The following PTPRN2 variants were observed in gnomAD, a reference collection of about 807,000 sequenced individuals.
The protein encoded by PTPRN2 is protein tyrosine phosphatase receptor type N2.
PTPRN2 carries 74 observed loss-of-function variants against 118.8 expected under a neutral mutation model. That is an observed-to-expected ratio of 0.62 (90% CI 0.52 to 0.76). The LOEUF (loss-of-function observed/expected upper bound fraction) is 0.76. Among genes scored for constraint, PTPRN2 ranks in the 30% least tolerant of loss-of-function variants. The pLI, the probability that PTPRN2 is intolerant of heterozygous loss-of-function variation, is 0.00. For synonymous variants in PTPRN2, 641 were observed against 608.0 expected (o/e 1.05, Z -0.80); for missense variants, 1,481 against 1,394.4 (o/e 1.06, Z -0.99).
At chr7:158,065,667 G>C (rs1810719053) in intron 11 of PTPRN2, among the ~76,000 whole-genome samples, 1 of 152,164 alleles carries the variant, frequency 6.6e-6, no homozygotes, top group Non-Finnish European at 1.5e-5. Context: ...ATAATGAGTT[G>C]AGTTGTTCAC....
At chr7:157,599,779 T>C (rs1219283978) in intron 16 of PTPRN2, among the ~76,000 whole-genome samples, 1 of 152,124 alleles carries the variant, frequency 6.6e-6, no homozygotes, top group Non-Finnish European at 1.5e-5. Flanking sequence ...GTGTCACGTC[T>C]TTACTCTGAA....
intron 11 of PTPRN2, among the ~76,000 whole-genome samples, chr7:157,982,856 A>G (rs1803403796): frequency 7.5e-6 from 1 of 133,966 alleles, no homozygotes; most frequent in African/African-American, 2.8e-5. Flanking sequence ...TGAGGAGGGG[A>G]ATGCAGAGTA....
chr7:158,054,971 T>C (rs1214879895), intron 11 of PTPRN2, among the ~76,000 whole-genome samples: 1 of 152,222 alleles, frequency 6.6e-6, no homozygotes, highest in Non-Finnish European at 1.5e-5. Context: ...AGCCGTCCCC[T>C]TCACTGTGGT....
intron 11 of PTPRN2, among the ~76,000 whole-genome samples, chr7:157,911,032 G>A (rs1379091055): frequency 1.3e-5 from 2 of 152,240 alleles, no homozygotes; most frequent in Non-Finnish European, 2.9e-5. Context: ...CCTTGCCTGT[G>A]CCTGTGCTGG....
At chr7:158,103,551 TC>T (rs1314359025) in intron 10 of PTPRN2, among the ~76,000 whole-genome samples, 1 of 152,188 alleles carries the variant, frequency 6.6e-6, no homozygotes, top group Non-Finnish European at 1.5e-5. Flanking sequence ...CAGCCTCACT[TC>T]CCTAGCATGA....
At position 158,569,012 on chromosome 7, in the gene PTPRN2, G is replaced by A. The variant is rs966776051; in HGVS notation, c.112+18546C>T. On this transcript the variant is annotated intron_variant, in intron 1 of 22. Transcript: ENST00000389418. ...GTGAGGGATTAGGCCTGTGGTCCCCGCTCCTGGGGAGGCTGAGACAGGAGA... is the reference window on the plus strand; with the variant it reads ...GTGAGGGATTAGGCCTGTGGTCCCCACTCCTGGGGAGGCTGAGACAGGAGA... Among the ~76,000 whole-genome samples the A allele has an allele frequency of 2.6e-4, 40 of 152,140 alleles. 1 individual carries two copies. The highest frequency in any genetic ancestry group is 7.4e-5 in the Non-Finnish European group (5 of 68,026).
At chr7:158,532,901 GCTC>G (rs1459516100) in intron 1 of PTPRN2, 2 of 488,816 alleles carry the variant, frequency 4.1e-6, no homozygotes, top group East Asian at 1.2e-4. Context: ...GGACGGCCAG[GCTC>G]CACCACACCT....
At position 158,326,871 on chromosome 7, in the gene PTPRN2, GCA is replaced by G. The variant is rs573728768; in HGVS notation, c.164-9941_164-9940del. ...CTCACACACATGCTCATTCTCGCAT[GCA>G]CACGTTCTCACACATGCACACATTC... On this transcript the variant is annotated intron_variant, in intron 2 of 22. Transcript: ENST00000389418. 2.5e-4 allele frequency among the ~76,000 whole-genome samples: 36 copies of G among 145,008 alleles called. 1 individual carries two copies. The East Asian group carries it at 3.0e-3, about 12-fold the overall frequency.
intron 2 of PTPRN2, among the ~76,000 whole-genome samples, chr7:158,365,621 C>A (rs1809375207): frequency 6.9e-6 from 1 of 144,640 alleles, no homozygotes; most frequent in Admixed American, 6.7e-5. Flanking sequence ...CACACACCCA[C>A]AGCATCCCTG....
intron 2 of PTPRN2, among the ~76,000 whole-genome samples, chr7:158,318,487 G>C (rs546436586): frequency 6.6e-6 from 1 of 152,124 alleles, no homozygotes; most frequent in Non-Finnish European, 1.5e-5. Context: ...AGTGAGCCAC[G>C]GGCCAGGAAG....
At chr7:158,537,113 C>T (rs1159578170) in intron 1 of PTPRN2, among the ~76,000 whole-genome samples, 1 of 152,222 alleles carries the variant, frequency 6.6e-6, no homozygotes, top group African/African-American at 2.4e-5. Context: ...CTCTGCAAAC[C>T]AGAAGCAGGC....
intron 12 of PTPRN2, among the ~76,000 whole-genome samples, chr7:157,817,661 C>T (rs765421967): frequency 1.3e-5 from 2 of 152,250 alleles, no homozygotes; most frequent in Non-Finnish European, 2.9e-5. Context: ...GGAGCTACGG[C>T]CGGGGCCATC....
intron 9 of PTPRN2, among the ~76,000 whole-genome samples, chr7:158,125,901 C>G (rs1275777576): frequency 6.6e-6 from 1 of 152,156 alleles, no homozygotes; most frequent in African/African-American, 2.4e-5. Context: ...GTCCTGGCAC[C>G]CTGCTGGTTC....
chr7:157,684,341 G>A (rs947090538), intron 12 of PTPRN2, among the ~76,000 whole-genome samples: 3 of 150,848 alleles, frequency 2.0e-5, no homozygotes, highest in African/African-American at 7.3e-5. Context: ...GAGCCGCCGC[G>A]GAGAGGGAGG....
At chr7:157,889,590 C>T (rs989043176) in intron 12 of PTPRN2, among the ~76,000 whole-genome samples, 3 of 152,314 alleles carry the variant, frequency 2.0e-5, no homozygotes, top group African/African-American at 7.2e-5. Context: ...TCTCCATGCC[C>T]CAGTGAACAT....
At position 158,146,459 on chromosome 7, in the gene PTPRN2, C is replaced by A. The variant is rs562000803; in HGVS notation, c.911-7944G>T. ...ATAATAGGCTGGGCTTGGTGGCTCA[C>A]ACCTGTAATCCCAGCACTTTGGGAC... On this transcript the variant is annotated intron_variant, in intron 6 of 22. Transcript: ENST00000389418. 2.0e-5 allele frequency among the ~76,000 whole-genome samples: 3 copies of A among 152,074 alleles called. No homozygotes were observed. In the East Asian group the frequency reaches 5.8e-4, roughly 29 times the overall value.
At chr7:158,345,128 C>T (rs1563183823) in intron 2 of PTPRN2, among the ~76,000 whole-genome samples, 1 of 152,094 alleles carries the variant, frequency 6.6e-6, no homozygotes. Context: ...CTGGCAGGAC[C>T]CCCACAGTCC....
rs1209164633 is a variant in PTPRN2, at chr7:157,676,212, G to A, written c.2001+6513C>T. 1.3e-5 allele frequency among the ~76,000 whole-genome samples: 2 copies of A among 152,086 alleles called. No individual in the cohort carries two copies. Among genetic ancestry groups the A allele is most frequent in the Non-Finnish European group, 2.9e-5 (2 of 68,014 alleles). On this transcript the variant is annotated intron_variant, in intron 13 of 22. Transcript: ENST00000389418. The surrounding 1 kb of genome is among the most constrained non-coding windows in gnomAD (Gnocchi z 5.6). ...GGGAGGACCTCTTCCCTCTAGCCCA[G>A]TTCCTCCTGGCAGCCCTGCAAATGC...
At chr7:158,208,163 C>A (rs368365765) in intron 3 of PTPRN2, among the ~76,000 whole-genome samples, 1 of 151,944 alleles carries the variant, frequency 6.6e-6, no homozygotes. Context: ...AAAATAGCCT[C>A]AAAAAGACAA....
Sources: gnomAD v4.1 joint callset for allele counts (sites outside exome capture counted in the v4.1 genomes callset) on GRCh38, gnomAD v4.1.1 for gene constraint, Gnocchi (gnomAD v3.1) non-coding constraint, MANE v1.5 for transcripts, NCBI Gene and HGNC (gene_info 2026-07-23, HGNC 2026-07-21) for gene names.